GATA4: variants seen among roughly 807,000 people sequenced by gnomAD.
GATA4 encodes GATA binding protein 4.
Under a neutral mutation model 37.9 loss-of-function variants are expected in GATA4, and 7 were observed. The observed-to-expected ratio is 0.18, with a 90% CI of 0.11 to 0.35. The LOEUF is 0.35. GATA4 is among the 10% of genes least tolerant of loss of function. The probability of loss-of-function intolerance (pLI) is 1.00; values close to 1 mark genes in which losing one functional copy is unlikely to be tolerated. For missense variants in GATA4, 647 were observed against 653.0 expected, an observed-to-expected ratio of 0.99 and a Z score of 0.10; for synonymous variants, 372 against 292.6, an observed-to-expected ratio of 1.27 and a Z score of -2.77.
rs1341477160 is a variant in GATA4, at chr8:11,693,548, C to CAG, written c.-729+889_-729+890insGA. Among the ~76,000 whole-genome samples the CAG allele has an allele frequency of 1.9e-3, 222 of 115,924 alleles. 2 individuals are homozygous for CAG. The highest frequency in any genetic ancestry group is 3.3e-3 in the Non-Finnish European group (191 of 57,026). 76.1% of individuals were successfully genotyped at this position (115,924 alleles called of 152,430 possible). ...ACACACACACACACACACACACACA[C>CAG]ACACACACACACACAGAGAGAGAGA... On this transcript the variant is annotated intron_variant, in intron 1 of 2. Coordinates refer to the GATA4 transcript ENST00000526974.
At chr8:11,730,691 C>G (rs749498624) in intron 2 of GATA4, among the ~76,000 whole-genome samples, 6 of 152,248 alleles carry the variant, frequency 3.9e-5, no homozygotes, top group Non-Finnish European at 7.3e-5. Flanking sequence ...GCCCAGCCAA[C>G]ACTGAGCGCT....
At chr8:11,700,097 C>T (rs1297556776), upstream of GATA4, among the ~76,000 whole-genome samples, 1 of 152,114 alleles carries the variant, frequency 6.6e-6, no homozygotes, top group Admixed American at 6.5e-5. Context: ...GCGATAACAC[C>T]GTCTTTCCCT....
intron 1 of GATA4, among the ~76,000 whole-genome samples, chr8:11,681,897 G>A (rs908689918): frequency 6.6e-6 from 1 of 152,128 alleles, no homozygotes; most frequent in Admixed American, 6.5e-5. Context: ...TGTGGTCTGC[G>A]TCTGCCTGGG....
upstream of GATA4, among the ~76,000 whole-genome samples, chr8:11,688,542 A>T (rs1314394155): frequency 6.6e-6 from 1 of 151,980 alleles, no homozygotes; most frequent in African/African-American, 2.4e-5. Flanking sequence ...ACACACACAC[A>T]CACACACACT....
chr8:11,758,832 C>T lies in GATA4; in HGVS notation c.*357C>T, dbSNP rs1336109512. ...CTAGCACCGAGGATCTGAGAACAAG[C>T]GGAGGGCCGGGCCCTGGGACCCCTG... On this transcript the variant is annotated 3_prime_UTR_variant, in exon 7 of 7. Transcript: ENST00000532059. 10 of 348,598 alleles carry T rather than the reference C, an allele frequency of 2.9e-5. No homozygotes were observed. The highest frequency in any genetic ancestry group is 1.5e-4 in the East Asian group (2 of 13,778). 21.6% of individuals were successfully genotyped at this position (348,598 alleles called of 1,614,324 possible).
At chr8:11,690,754 C>T (rs1204204410), upstream of GATA4, among the ~76,000 whole-genome samples, 2 of 152,180 alleles carry the variant, frequency 1.3e-5, no homozygotes, top group African/African-American at 2.4e-5. Flanking sequence ...ACCTGTACTC[C>T]TCGCTACTCC....
At chr8:11,725,316 G>C (rs1047786889) in intron 2 of GATA4, among the ~76,000 whole-genome samples, 1 of 152,248 alleles carries the variant, frequency 6.6e-6, no homozygotes, top group African/African-American at 2.4e-5. Flanking sequence ...ATAGGGAGTT[G>C]AGTACATTTT....
At chr8:11,680,545 T>TTCGTGG (rs1282054331) in intron 1 of GATA4, 14 of 985,294 alleles carry the variant, frequency 1.4e-5, no homozygotes, top group Middle Eastern at 1.0e-3. Context: ...GCCGACGTCC[T>TTCGTGG]TCGTGGTCGC....
intron 2 of GATA4, among the ~76,000 whole-genome samples, chr8:11,717,815 C>T (rs1800503148): frequency 6.6e-6 from 1 of 152,220 alleles, no homozygotes. Flanking sequence ...GTAAGCTCTG[C>T]AGTTCAGGAA....
chr8:11,682,690 T>C (rs1204149793), intron 1 of GATA4, among the ~76,000 whole-genome samples: 1 of 152,226 alleles, frequency 6.6e-6, no homozygotes, highest in East Asian at 1.9e-4. Context: ...AGAAGGAAGA[T>C]GTGAAAGTCA....
rs1406263788 is a variant in GATA4, at chr8:11,728,246, C to G, written c.616+19318C>G. Among the ~76,000 whole-genome samples the G allele has an allele frequency of 2.6e-5, 4 of 152,358 alleles. 1 individual carries two copies. In the Middle Eastern group the frequency reaches 0.014, roughly 518 times the overall value. On this transcript the variant is annotated intron_variant, in intron 2 of 6. Transcript: ENST00000532059. ...TCAGGTGATCCACCGCCCTTGACCT[C>G]CCAAAGTGTTGGGATTACAGGCGTG... is the stretch of plus-strand genomic sequence containing the variant.
At chr8:11,720,599 C>G (rs12546793) in intron 2 of GATA4, among the ~76,000 whole-genome samples, 63,270 of 152,004 alleles carry the variant, frequency 0.42, 17,363 homozygotes, top group Non-Finnish European at 0.62. Flanking sequence ...TCTCCCTCCT[C>G]CCACCCTCCA....
chr8:11,716,872 A>G (rs1800454818), intron 2 of GATA4, among the ~76,000 whole-genome samples: 1 of 152,262 alleles, frequency 6.6e-6, no homozygotes. Context: ...TTGCAAATGT[A>G]GCTGCTTGTG....
At chr8:11,758,240 C>T in intron 6 of GATA4, 53 bp from the exon 7 acceptor site, 1 of 1,599,980 alleles carries the variant, frequency 6.3e-7, no homozygotes, top group Admixed American at 1.7e-5. Context: ...CTAGACCTCC[C>T]AAGCCCTCAG....
chr8:11,692,838 G>T, intron 1 of GATA4: 1 of 981,474 alleles, frequency 1.0e-6, no homozygotes, highest in Non-Finnish European at 1.2e-6. Context: ...AGGCGGGGGC[G>T]GCCGGCCGGG....
intron 1 of GATA4, among the ~76,000 whole-genome samples, chr8:11,686,149 A>G (rs1175254867): frequency 2.0e-5 from 3 of 151,978 alleles, no homozygotes; most frequent in Non-Finnish European, 4.4e-5. Flanking sequence ...GAGTGGTCAC[A>G]AAAGCAAGTA....
At chr8:11,717,950 G>A (rs1346293257) in intron 2 of GATA4, among the ~76,000 whole-genome samples, 3 of 152,194 alleles carry the variant, frequency 2.0e-5, no homozygotes, top group African/African-American at 7.2e-5. Flanking sequence ...CCTAACTCTA[G>A]GGGAACTGTT....
At chr8:11,736,377 G>C (rs1387022014) in intron 2 of GATA4, among the ~76,000 whole-genome samples, 1 of 152,228 alleles carries the variant, frequency 6.6e-6, no homozygotes, top group Non-Finnish European at 1.5e-5. Flanking sequence ...GTGGAGACCA[G>C]ACCAAGAGAG....
chr8:11,721,631 G>T (rs921268444), intron 2 of GATA4, among the ~76,000 whole-genome samples: 1 of 152,096 alleles, frequency 6.6e-6, no homozygotes, highest in Non-Finnish European at 1.5e-5. Flanking sequence ...CGGCTGTGTG[G>T]TTTGAGTTCA....
Sources: allele counts gnomAD v4.1 joint callset (sites outside exome capture counted in the v4.1 genomes callset), GRCh38; gene constraint gnomAD v4.1.1; transcripts MANE v1.5; gene names NCBI Gene and HGNC (gene_info 2026-07-23, HGNC 2026-07-21).